The following MAP7 variants were observed in gnomAD, a reference collection of about 807,000 sequenced individuals.
MAP7 encodes microtubule associated protein 7, also known as ensconsin.
MAP7 carries 52 observed loss-of-function variants against 94.8 expected under a neutral mutation model. The ratio of observed to expected loss-of-function variants is 0.55; its 90% CI spans 0.44 to 0.69. MAP7 has a LOEUF of 0.69. Ranked by LOEUF, MAP7 falls within the 30% of genes least tolerant of loss-of-function variation. The pLI is 0.00. For synonymous variants in MAP7, 350 were observed against 357.0 expected (o/e 0.98, Z 0.22); for missense variants, 940 against 964.6 (o/e 0.97, Z 0.34).
chr6:136,390,840 A>G (rs867023650), intron 3 of MAP7, among the ~76,000 whole-genome samples: 1 of 152,196 alleles, frequency 6.6e-6, no homozygotes, highest in Non-Finnish European at 1.5e-5. Context: ...GAAGAAAAGG[A>G]GAAGGACAAA....
At chr6:136,453,336 A>T (rs1007695732) in intron 1 of MAP7, among the ~76,000 whole-genome samples, 3 of 152,246 alleles carry the variant, frequency 2.0e-5, no homozygotes, top group African/African-American at 7.2e-5. Flanking sequence ...AACAAAGCTT[A>T]ATAATTAATG....
At position 136,550,118 on chromosome 6, in the gene MAP7, A is replaced by G. The variant is rs1220808821; in HGVS notation, c.67+224T>C. ...CGGTGGAGCGCCCGAGGGCGGCCGC[A>G]ACCCCGGCCGGGGCCGAGCCGGGCT... On this transcript the variant is annotated intron_variant, in intron 1 of 17. Transcript: ENST00000354570. This position sits in a 1 kb window ranked among gnomAD's most constrained non-coding sequence, Gnocchi z 5.1. Among the ~76,000 whole-genome samples, 1 of 150,574 alleles carries G rather than the reference A, an allele frequency of 6.6e-6. No homozygotes were observed. Among genetic ancestry groups the G allele is most frequent in the African/African-American group, 2.4e-5 (1 of 41,120 alleles).
Position 136,421,708 on chromosome 6 carries a change from A to G in MAP7, c.159T>C (p.Asn53=). The G allele has an allele frequency of 1.2e-6, 2 of 1,613,814 alleles. No homozygotes were observed. Among genetic ancestry groups the G allele is most frequent in the Non-Finnish European group, 1.7e-6 (2 of 1,179,794 alleles). ...ISGQNNNHSG[N]KPDPPPVLRV... is the part of the protein sequence containing the mutation. ...TAATGCAATGCATCATACCTGGTTT[A>G]TTTCCTGAGTGGTTGTTATTTTGTC... Residue 53 remains asparagine (N), a synonymous_variant, in exon 2 of 18, where the codon AAT becomes AAC. Coordinates refer to ENST00000354570, the MANE Select transcript of MAP7 (RefSeq NM_003980.6).
At chr6:136,407,390 G>A (rs1785960956) in intron 3 of MAP7, among the ~76,000 whole-genome samples, 3 of 152,200 alleles carry the variant, frequency 2.0e-5, no homozygotes, top group South Asian at 4.1e-4. Context: ...AGTATATAGT[G>A]AAAGGATGAT....
rs577704907 is a variant in MAP7, at chr6:136,361,357, C to T, written c.1527-178G>A. ...GCGAAGCCACCCTTAGACTTCCTCCCGCCTTGCCAGCTGCATTGCTGTCCG... is the reference window on the plus strand; with the variant it reads ...GCGAAGCCACCCTTAGACTTCCTCCTGCCTTGCCAGCTGCATTGCTGTCCG... On this transcript the variant is annotated intron_variant, in intron 11 of 17. Transcript: ENST00000354570. Among the ~76,000 whole-genome samples the T allele has an allele frequency of 2.6e-5, 4 of 152,368 alleles. No individual in the cohort carries two copies. The South Asian group carries it at 6.2e-4, about 24-fold the overall frequency.
chr6:136,523,435 C>T (rs529693608), intron 1 of MAP7, among the ~76,000 whole-genome samples: 1 of 152,332 alleles, frequency 6.6e-6, no homozygotes, highest in African/African-American at 2.4e-5. Flanking sequence ...ATATTTCAAG[C>T]TCTGCAGCTG....
rs750312875 is a variant in MAP7 at position 136,388,519 on chromosome 6, G to T, written c.409-9C>A. On this transcript the variant is annotated splice_polypyrimidine_tract_variant and intron_variant, in intron 4 of 17. Transcript: ENST00000354570. ...ACAGCTTCGTGGCGTTCCTTAGATGGAATAGAAGAGCTGAGGATTAGATTC... is the reference window on the plus strand; with the variant it reads ...ACAGCTTCGTGGCGTTCCTTAGATGTAATAGAAGAGCTGAGGATTAGATTC... The T allele has an allele frequency of 6.2e-7, 1 of 1,607,126 alleles. No individual in the cohort carries two copies.
At chr6:136,486,184 G>A (rs1160992003) in intron 1 of MAP7, among the ~76,000 whole-genome samples, 4 of 152,154 alleles carry the variant, frequency 2.6e-5, no homozygotes, top group African/African-American at 4.8e-5. Flanking sequence ...AAATCTAGGA[G>A]CTATATATTT....
At chr6:136,344,351 AC>A in intron 17 of MAP7, 113 bp from the exon 18 acceptor site, 1 of 401,216 alleles carries the variant, frequency 2.5e-6, no homozygotes, top group Non-Finnish European at 4.3e-6. Flanking sequence ...ACTGTTATAT[AC>A]ACTTATATAA....
At chr6:136,449,522 T>C (rs1482199959) in intron 1 of MAP7, among the ~76,000 whole-genome samples, 1 of 152,222 alleles carries the variant, frequency 6.6e-6, no homozygotes, top group Admixed American at 6.5e-5. Context: ...GCCGATTGGT[T>C]ACAGCCCGGC....
At chr6:136,540,743 G>C (rs926685154) in intron 1 of MAP7, among the ~76,000 whole-genome samples, 4 of 152,208 alleles carry the variant, frequency 2.6e-5, no homozygotes, top group African/African-American at 9.6e-5. Context: ...TGAATCATTA[G>C]TTCTCAGCAC....
chr6:136,456,767 G>GGAGGAGGAGGACGAAGAA (rs1179338276), intron 1 of MAP7, among the ~76,000 whole-genome samples: 19 of 60,594 alleles, frequency 3.1e-4, no homozygotes, highest in African/African-American at 1.4e-3. Flanking sequence ...AGGAGGAGGA[G>GGAGGAGGAGGACGAAGAA]GAAGAAGAAG....
intron 1 of MAP7, among the ~76,000 whole-genome samples, chr6:136,450,183 T>A (rs1800668783): frequency 6.6e-6 from 1 of 152,140 alleles, no homozygotes; most frequent in Non-Finnish European, 1.5e-5. Context: ...AAACTCTGTC[T>A]CAAAAATAAA....
chr6:136,538,646 C>T lies in MAP7; in HGVS notation c.67+11696G>A, dbSNP rs150847595. On this transcript the variant is annotated intron_variant, in intron 1 of 17. Coordinates refer to ENST00000354570, the MANE Select transcript of MAP7 (RefSeq NM_003980.6). ...AGACAAAAAAAAAAATTAGCTGGTG[C>T]TAGGAATAGTGGCGTGTACCTGTAG... is the stretch of plus-strand genomic sequence containing the variant. Among the ~76,000 whole-genome samples the T allele has an allele frequency of 4.6e-4, 70 of 151,888 alleles. 1 individual carries two copies. In the East Asian group the frequency reaches 0.013, roughly 28 times the overall value.
intron 16 of MAP7, among the ~76,000 whole-genome samples, chr6:136,352,298 C>T (rs1225603591): frequency 2.0e-5 from 3 of 151,938 alleles, no homozygotes; most frequent in Non-Finnish European, 2.9e-5. Flanking sequence ...CGCCATCCTC[C>T]CACCTCAGTC....
intron 1 of MAP7, among the ~76,000 whole-genome samples, chr6:136,513,638 G>T (rs1053029419): frequency 2.6e-5 from 4 of 152,166 alleles, no homozygotes; most frequent in Non-Finnish European, 5.9e-5. Context: ...TATGGTAGAT[G>T]CACCTGACAG....
At position 136,530,656 on chromosome 6, in the gene MAP7, G is replaced by A. The variant is rs1043493928; in HGVS notation, c.67+19686C>T. Among the ~76,000 whole-genome samples, 5 of 140,586 alleles carry A rather than the reference G, an allele frequency of 3.6e-5. 1 individual carries two copies. Among genetic ancestry groups the A allele is most frequent in the Admixed American group, 1.4e-4 (2 of 14,400 alleles). The allele number at this position is 140,586 out of a possible 152,430, so 92.2% of individuals were successfully genotyped here. A position where few individuals can be genotyped will look rare whatever the true frequency, so the allele number is the denominator to read the frequency against. On this transcript the variant is annotated intron_variant, in intron 1 of 17. Coordinates refer to ENST00000354570, the MANE Select transcript of MAP7 (RefSeq NM_003980.6). ...GCCACTTACTGATGGCTTTTGTGAC[G>A]ATAAAGGCACAACATTCTGCCATCT...
intron 1 of MAP7, among the ~76,000 whole-genome samples, chr6:136,489,526 CTTTTTTTTTTT>C (rs1164047042): frequency 2.7e-4 from 28 of 103,002 alleles, no homozygotes; most frequent in African/African-American, 1.0e-3. Flanking sequence ...CATCAGGTTT[CTTTTTTTTTTT>C]TTTTTTTTTT....
rs1792132579 is a variant in MAP7, at chr6:136,360,147, T to C, written c.1804-116A>G. The C allele has an allele frequency of 1.9e-5, 16 of 833,830 alleles. No individual in the cohort carries two copies. The South Asian group carries it at 2.5e-4, about 13-fold the overall frequency. The allele number at this position is 833,830 out of a possible 1,614,324, so 51.7% of individuals were successfully genotyped here. Reference sequence around the variant, plus strand: ...GGTCTGTTATTTTGGAAAAATACAATATGCACTTTTTTTTTTTTTTTTGAG... The same window carrying C: ...GGTCTGTTATTTTGGAAAAATACAACATGCACTTTTTTTTTTTTTTTTGAG... On this transcript the variant is annotated intron_variant, in intron 13 of 17. Coordinates refer to ENST00000354570, the MANE Select transcript of MAP7 (RefSeq NM_003980.6).
Sources: gnomAD v4.1 joint callset for allele counts (sites outside exome capture counted in the v4.1 genomes callset) on GRCh38, gnomAD v4.1.1 for gene constraint, Gnocchi (gnomAD v3.1) non-coding constraint, MANE v1.5 for transcripts, NCBI Gene and HGNC (gene_info 2026-07-23, HGNC 2026-07-21) for gene names.